The following FAM83G variants were observed in gnomAD, a reference collection of about 807,000 sequenced individuals.
The protein encoded by FAM83G is protein FAM83G.
FAM83G carries 38 observed loss-of-function variants against 61.5 expected under a neutral mutation model. The observed-to-expected ratio is 0.62, with a 90% CI of 0.48 to 0.81. The LOEUF is 0.81. Among genes scored for constraint, FAM83G ranks in the 30% least tolerant of loss-of-function variants. The probability of loss-of-function intolerance (pLI) is 0.00; values close to 1 mark genes in which losing one functional copy is unlikely to be tolerated. For synonymous variants in FAM83G, 470 were observed against 476.1 expected, an observed-to-expected ratio of 0.99 and a Z score of 0.17; for missense variants, 989 against 1,133.6, an observed-to-expected ratio of 0.87 and a Z score of 1.83.
chr17:18,988,612 C>G (rs545621833), intron 2 of FAM83G, among the ~76,000 whole-genome samples, 198 bp from the exon 3 acceptor site: 1 of 152,348 alleles, frequency 6.6e-6, no homozygotes, highest in South Asian at 2.1e-4. Context: ...AGTTGCAGTC[C>G]CAGCTCTGGG....
rs549312879 is a variant in FAM83G, at chr17:18,987,475, G to C, written c.690+772C>G. On this transcript the variant is annotated intron_variant, in intron 3 of 5. Coordinates refer to ENST00000388995, the MANE Select transcript of FAM83G (RefSeq NM_001039999.3). ...GCTCTGCACGCAGCAGGTGCCAAGC[G>C]ATGGCTGGCAGAAGGAGGGCTCCAG... 9.2e-5 allele frequency among the ~76,000 whole-genome samples: 14 copies of C among 152,346 alleles called. No homozygotes were observed. In the South Asian group the frequency reaches 2.7e-3, roughly 29 times the overall value.
In FAM83G at chr17:18,969,027, C is replaced by T; in HGVS notation, c.*2332G>A. On this transcript the variant is annotated 3_prime_UTR_variant, in exon 6 of 6. Coordinates refer to ENST00000388995, the MANE Select transcript of FAM83G (RefSeq NM_001039999.3). ...GCTGGAGCCCTGGGAATAACAGTCC[C>T]ACACAAGGCTCTCTCCCTCCGCAGC... is the stretch of plus-strand genomic sequence containing the variant. 6.2e-7 allele frequency: 1 copy of T among 1,601,778 alleles called. No individual in the cohort carries two copies. The highest frequency in any genetic ancestry group is 1.3e-5 in the African/African-American group (1 of 74,868).
At chr17:18,986,226 T>C (rs1042260068) in intron 3 of FAM83G, 2 of 152,192 alleles carry the variant, frequency 1.3e-5, no homozygotes, top group East Asian at 1.9e-4. Context: ...GGTTTATTGA[T>C]AGTTGAGTAG....
intron 4 of FAM83G, chr17:18,979,174 C>G (rs1274951357): frequency 4.1e-6 from 2 of 486,276 alleles, no homozygotes; most frequent in Non-Finnish European, 7.5e-6. Context: ...TGCCATGCGT[C>G]TATGCTGCCA....
intron 3 of FAM83G, among the ~76,000 whole-genome samples, chr17:18,988,018 C>G (rs2043313566): frequency 1.3e-5 from 2 of 152,224 alleles, no homozygotes; most frequent in African/African-American, 2.4e-5. Context: ...CAGCAAGCAC[C>G]TAATCAGTGT....
chr17:18,968,961 C>G lies in FAM83G; in HGVS notation c.*2398G>C. ...CCTCCTTATCCACAGGCCACCGAGG[C>G]CCAGAGAGGGCCTTGCCCGAGGTCA... On this transcript the variant is annotated 3_prime_UTR_variant, in exon 6 of 6. Coordinates refer to ENST00000388995, the MANE Select transcript of FAM83G (RefSeq NM_001039999.3). This position sits in a 1 kb window ranked among gnomAD's most constrained non-coding sequence, Gnocchi z 4.1. 7.8e-7 allele frequency: 1 copy of G among 1,284,516 alleles called. No homozygotes were observed. 79.6% of individuals were successfully genotyped at this position (1,284,516 alleles called of 1,614,324 possible). A position where few individuals can be genotyped will look rare whatever the true frequency, so the allele number is the denominator to read the frequency against.
chr17:18,969,566 C>A lies in FAM83G; in HGVS notation c.*1793G>T. ...AGTGGGTGGGTTCAGGAGGTTGAGC[C>A]ACTAGGCAGTCAGCCCCCCTGCTGG... On this transcript the variant is annotated 3_prime_UTR_variant, in exon 6 of 6. Transcript: ENST00000388995. The A allele has an allele frequency of 2.9e-6, 2 of 700,582 alleles. No homozygotes were observed. Among genetic ancestry groups the A allele is most frequent in the Non-Finnish European group, 4.6e-6 (2 of 431,266 alleles). 43.4% of individuals were successfully genotyped at this position (700,582 alleles called of 1,614,324 possible).
intron 3 of FAM83G, among the ~76,000 whole-genome samples, chr17:18,983,427 G>C (rs1180615239): frequency 3.3e-5 from 5 of 152,228 alleles, no homozygotes; most frequent in African/African-American, 4.8e-5. Context: ...TTTTATAATG[G>C]AAGCCAGTGA....
rs2042864554 is a variant in FAM83G, at chr17:18,971,845, G to A, written c.2083-97C>T. On this transcript the variant is annotated intron_variant, in intron 5 of 5. Coordinates refer to ENST00000388995, the MANE Select transcript of FAM83G (RefSeq NM_001039999.3). This position sits in a 1 kb window ranked among gnomAD's most constrained non-coding sequence, Gnocchi z 5.5. ...AGGCACACAGGAGCCGGCAGGCCCG[G>A]GTTCGCCTCCTGGCTCTGCCATTCA... 7 of 1,377,894 alleles carry A rather than the reference G, an allele frequency of 5.1e-6. No individual in the cohort carries two copies. The highest frequency in any genetic ancestry group is 5.8e-6 in the Non-Finnish European group (6 of 1,028,854). The allele number at this position is 1,377,894 out of a possible 1,614,324, so 85.4% of individuals were successfully genotyped here. A position where few individuals can be genotyped will look rare whatever the true frequency, so the allele number is the denominator to read the frequency against.
chr17:18,977,689 A>C lies in FAM83G; in HGVS notation c.1977T>G (p.Phe659Leu). The stretch of plus-strand genomic sequence containing the variant: ...ATGGGGAGCCACCCTGGGGTCCAAC[A>C]AAGGTCCCTCGGGTTATATGGGGGG... ...LSAPHITRGT[F>L]VGPQGGSPWA... The change falls in exon 5 of 6, where the codon TTT (phenylalanine) becomes TTG (leucine). Residue 659 changes from phenylalanine to leucine, a missense_variant. Physicochemically the swap from Phe to Leu is conservative, Grantham distance 22. This residue lies in a region of FAM83G where 574 missense variants were observed against 645.1 expected (regional missense o/e 0.89). Transcript: ENST00000388995. 6.2e-7 allele frequency: 1 copy of C among 1,610,678 alleles called. No individual in the cohort carries two copies.
At chr17:18,992,665 G>C (rs952906112) in intron 2 of FAM83G, among the ~76,000 whole-genome samples, 15 of 152,220 alleles carry the variant, frequency 9.9e-5, no homozygotes, top group African/African-American at 3.6e-4. Flanking sequence ...GCTCTAGGCT[G>C]GGCTTTGGGT....
chr17:18,971,545 T>C lies in FAM83G; in HGVS notation c.2286A>G (p.Arg762=). 1 of 1,613,800 alleles carries C rather than the reference T, an allele frequency of 6.2e-7. No individual in the cohort carries two copies. The highest frequency in any genetic ancestry group is 2.2e-5 in the East Asian group (1 of 44,866). The part of the protein sequence containing the change: ...PRLLPDPGSP[R]LAQNARPMTD... ...TCATGGGGCGGGCATTTTGGGCCAG[T>C]CTTGGGCTGCCGGGATCCGGAAGCA... The change falls in exon 6 of 6, where the codon AGA becomes AGG. Residue 762 remains arginine, a synonymous_variant. Coordinates refer to ENST00000388995, the MANE Select transcript of FAM83G (RefSeq NM_001039999.3). The surrounding 1 kb of genome is among the most constrained non-coding windows in gnomAD (Gnocchi z 5.5).
intron 2 of FAM83G, among the ~76,000 whole-genome samples, chr17:18,991,218 G>A (rs1437659551): frequency 6.6e-6 from 1 of 152,176 alleles, no homozygotes; most frequent in Non-Finnish European, 1.5e-5. Context: ...GCCCAGGACG[G>A]GGCCTGGTTT....
chr17:18,974,285 C>T (rs985006324), intron 5 of FAM83G, among the ~76,000 whole-genome samples: 17 of 152,256 alleles, frequency 1.1e-4, no homozygotes, highest in African/African-American at 3.1e-4. Flanking sequence ...CTTGGCCTCC[C>T]AAAGTGCTGG....
At chr17:18,979,250 G>A (rs1335437251) in intron 4 of FAM83G, 2 of 481,092 alleles carry the variant, frequency 4.2e-6, no homozygotes, top group East Asian at 7.5e-5. Flanking sequence ...CACAGAGCTG[G>A]CCCCATCCCT....
chr17:18,984,496 C>T (rs1331628333), intron 3 of FAM83G, among the ~76,000 whole-genome samples: 2 of 152,204 alleles, frequency 1.3e-5, no homozygotes, highest in Non-Finnish European at 1.5e-5. Context: ...GAGGCCTGAG[C>T]GGCAGCGATC....
intron 5 of FAM83G, chr17:18,976,443 C>T (rs563637911): frequency 5.5e-5 from 9 of 164,022 alleles, no homozygotes; most frequent in East Asian, 5.2e-4. Flanking sequence ...ACACAGTTGG[C>T]GCCAGTGTCT....
At chr17:18,987,909 A>G (rs2043310915) in intron 3 of FAM83G, among the ~76,000 whole-genome samples, 1 of 152,242 alleles carries the variant, frequency 6.6e-6, no homozygotes, top group Non-Finnish European at 1.5e-5. Context: ...CAGTGAGCAC[A>G]CTATCACCAG....
rs1444993312 is a variant in FAM83G, at chr17:18,968,901, C to G, written c.*2458G>C. 6.1e-6 allele frequency: 4 copies of G among 655,258 alleles called. No individual in the cohort carries two copies. The highest frequency in any genetic ancestry group is 1.0e-5 in the Non-Finnish European group (4 of 388,672). The allele number at this position is 655,258 out of a possible 1,614,324, so 40.6% of individuals were successfully genotyped here. ...GTCTTCCCCCAACCTCACAATGGCC[C>G]CGTGATGCAGGCAGGCAGGCGAGTG... On this transcript the variant is annotated 3_prime_UTR_variant, in exon 6 of 6. Coordinates refer to ENST00000388995, the MANE Select transcript of FAM83G (RefSeq NM_001039999.3). This position sits in a 1 kb window ranked among gnomAD's most constrained non-coding sequence, Gnocchi z 4.1.
Sources: allele counts gnomAD v4.1 joint callset (sites outside exome capture counted in the v4.1 genomes callset), GRCh38; gene constraint gnomAD v4.1.1; regional missense constraint gnomAD v4.1.1; non-coding constraint Gnocchi (gnomAD v3.1); transcripts MANE v1.5; gene names NCBI Gene and HGNC (gene_info 2026-07-23, HGNC 2026-07-21).